Variants in RBFOX1 observed in about 807,000 individuals in gnomAD.
The protein encoded by RBFOX1 is RNA binding fox-1 homolog 1.
A neutral mutation model predicts 57.7 loss-of-function variants in RBFOX1; 8 were observed. The ratio of observed to expected loss-of-function variants is 0.14; its 90% CI spans 0.08 to 0.25. RBFOX1 has a LOEUF of 0.25. RBFOX1 is among the 10% of genes least tolerant of loss of function. The pLI is 1.00. For missense variants in RBFOX1, 611 were observed against 548.5 expected, an observed-to-expected ratio of 1.11 and a Z score of -1.14; for synonymous variants, 326 against 222.4, an observed-to-expected ratio of 1.47 and a Z score of -4.15.
chr16:7,047,945 C>A (rs576397264), intron 3 of RBFOX1, among the ~76,000 whole-genome samples: 4 of 151,794 alleles, frequency 2.6e-5, no homozygotes, highest in Non-Finnish European at 5.9e-5. Context: ...GTGGTGCAGT[C>A]TTTACTCACT....
At chr16:7,238,307 C>A (rs1268688179) in intron 4 of RBFOX1, among the ~76,000 whole-genome samples, 1 of 149,902 alleles carries the variant, frequency 6.7e-6, no homozygotes, top group African/African-American at 2.5e-5. Context: ...TAACACTACT[C>A]AACTGCAGAC....
At chr16:6,830,271 A>G (rs2092611068) in intron 3 of RBFOX1, among the ~76,000 whole-genome samples, 1 of 152,216 alleles carries the variant, frequency 6.6e-6, no homozygotes, top group Admixed American at 6.5e-5. Context: ...AAGATTGTGC[A>G]TTCTGATATA....
chr16:7,326,674 C>T (rs1413769613), intron 4 of RBFOX1, among the ~76,000 whole-genome samples: 1 of 152,104 alleles, frequency 6.6e-6, no homozygotes, highest in Non-Finnish European at 1.5e-5. Flanking sequence ...CATCTTAGCC[C>T]TGATGGGAGT....
chr16:6,415,242 CAAAAAAAAA>C lies in RBFOX1; in HGVS notation c.-64+98201_-64+98209del, dbSNP rs57296761. On this transcript the variant is annotated intron_variant, in intron 2 of 15. Transcript: ENST00000550418. The stretch of plus-strand genomic sequence containing the variant: ...GGGTGACAAGAAAGAAACTCTGTCA[CAAAAAAAAA>C]AAAAAAAAAAAAAAATAGCGTTCAG... Among the ~76,000 whole-genome samples the C allele has an allele frequency of 4.1e-4, 42 of 102,064 alleles. 1 individual carries two copies. Among genetic ancestry groups the C allele is most frequent in the African/African-American group, 1.4e-3 (34 of 24,536 alleles). 67.0% of individuals were successfully genotyped at this position (102,064 alleles called of 152,430 possible). A position where few individuals can be genotyped will look rare whatever the true frequency, so the allele number is the denominator to read the frequency against.
At chr16:7,200,039 G>A (rs182922377) in intron 4 of RBFOX1, among the ~76,000 whole-genome samples, 97 of 152,316 alleles carry the variant, frequency 6.4e-4, no homozygotes, top group African/African-American at 2.1e-3. Context: ...CAGATTTCTG[G>A]GAAATTCTAG....
At chr16:6,832,218 A>G (rs995697837) in intron 3 of RBFOX1, among the ~76,000 whole-genome samples, 1 of 152,208 alleles carries the variant, frequency 6.6e-6, no homozygotes, top group Non-Finnish European at 1.5e-5. Context: ...AAGTGAATAA[A>G]TAAGCAGGAG....
chr16:5,837,686 C>G (rs1450305731), intron 3 of RBFOX1, among the ~76,000 whole-genome samples: 3 of 150,272 alleles, frequency 2.0e-5, no homozygotes, highest in African/African-American at 7.4e-5. Flanking sequence ...ATTTTTAGTT[C>G]TATCCCCATT....
intron 4 of RBFOX1, among the ~76,000 whole-genome samples, chr16:7,329,681 C>T (rs2096658820): frequency 1.3e-5 from 2 of 152,120 alleles, no homozygotes; most frequent in South Asian, 4.1e-4. Flanking sequence ...AAATCAGAAT[C>T]AGAGAATGTA....
At chr16:6,831,856 G>A (rs1221772812) in intron 3 of RBFOX1, among the ~76,000 whole-genome samples, 1 of 152,106 alleles carries the variant, frequency 6.6e-6, no homozygotes, top group African/African-American at 2.4e-5. Flanking sequence ...GAATGCTAGG[G>A]AGCATCATTT....
intron 3 of RBFOX1, among the ~76,000 whole-genome samples, chr16:5,815,178 T>G: frequency 7.4e-6 from 1 of 135,546 alleles, no homozygotes; most frequent in African/African-American, 2.7e-5. Context: ...TTTTTTTTTG[T>G]AGAGACAGTC....
At chr16:5,316,506 G>T (rs1324232646) in intron 1 of RBFOX1, among the ~76,000 whole-genome samples, 2 of 152,146 alleles carry the variant, frequency 1.3e-5, no homozygotes, top group African/African-American at 4.8e-5. Context: ...CCTCCACAAC[G>T]ATAAACGTGC....
intron 3 of RBFOX1, chr16:6,704,534 G>T (rs1271555947): frequency 4.6e-5 from 7 of 152,204 alleles, no homozygotes; most frequent in Admixed American, 2.6e-4. Flanking sequence ...CCCCCCTTGG[G>T]TCTGGAAGTT....
In RBFOX1 at chr16:7,599,838, A is replaced by C. The variant is rs1267181262; in HGVS notation, c.622+2407A>C. 2.0e-5 allele frequency among the ~76,000 whole-genome samples: 3 copies of C among 151,302 alleles called. No homozygotes were observed. The East Asian group carries it at 5.8e-4, about 29-fold the overall frequency. On this transcript the variant is annotated intron_variant, in intron 9 of 15. Transcript: ENST00000550418. ...TTTTTGTAGAGACGGAGTTTCACCAAGTTGCCCAGGCTGGTCTCGAACTCC... is the reference window on the plus strand; with the variant it reads ...TTTTTGTAGAGACGGAGTTTCACCACGTTGCCCAGGCTGGTCTCGAACTCC...
intron 3 of RBFOX1, among the ~76,000 whole-genome samples, chr16:7,028,447 C>A (rs905555228): frequency 6.6e-6 from 1 of 151,514 alleles, no homozygotes; most frequent in African/African-American, 2.4e-5. Context: ...ATTAGCTGGG[C>A]GTGGTGGCTC....
At chr16:7,650,323 T>TA (rs1385586757) in intron 11 of RBFOX1, among the ~76,000 whole-genome samples, 1 of 151,716 alleles carries the variant, frequency 6.6e-6, no homozygotes, top group East Asian at 1.9e-4. Flanking sequence ...CTTTTTTTTT[T>TA]TTTTTTGGCC....
chr16:7,413,653 T>C (rs752270694), intron 4 of RBFOX1, among the ~76,000 whole-genome samples: 1 of 152,060 alleles, frequency 6.6e-6, no homozygotes, highest in Non-Finnish European at 1.5e-5. Flanking sequence ...GTTGCCTGTT[T>C]TCTAACATAA....
intron 2 of RBFOX1, among the ~76,000 whole-genome samples, chr16:5,510,535 G>C (rs1597353563): frequency 6.6e-6 from 1 of 152,268 alleles, no homozygotes; most frequent in South Asian, 2.1e-4. Flanking sequence ...GCTGAGTCCA[G>C]GCTCACCGGG....
At chr16:5,578,719 A>G (rs2046553524) in intron 2 of RBFOX1, among the ~76,000 whole-genome samples, 1 of 152,124 alleles carries the variant, frequency 6.6e-6, no homozygotes, top group South Asian at 2.1e-4. Context: ...GTGAAGTATC[A>G]GTAATGAACC....
chr16:7,435,868 G>T (rs1482174475), intron 4 of RBFOX1, among the ~76,000 whole-genome samples: 3 of 152,202 alleles, frequency 2.0e-5, no homozygotes, highest in African/African-American at 7.2e-5. Context: ...GAGTTGGCCT[G>T]CTGGGGTATG....
Sources: gnomAD v4.1 joint callset for allele counts (sites outside exome capture counted in the v4.1 genomes callset) on GRCh38, gnomAD v4.1.1 for gene constraint, MANE v1.5 for transcripts, NCBI Gene and HGNC (gene_info 2026-07-23, HGNC 2026-07-21) for gene names.